The following RASL11A variants were observed in gnomAD, a reference collection of about 807,000 sequenced individuals.
The protein encoded by RASL11A is ras-like protein family member 11A.
RASL11A carries 14 observed loss-of-function variants against 17.1 expected under a neutral mutation model. The observed-to-expected ratio is 0.82, with a 90% CI of 0.54 to 1.28. RASL11A has a LOEUF of 1.28. Ranked by LOEUF, RASL11A falls within the 50% of genes most tolerant of loss-of-function variation. RASL11A has a pLI of 0.00. For missense variants in RASL11A, 283 were observed against 312.3 expected (o/e 0.91, Z 0.71); for synonymous variants, 146 against 132.5 (o/e 1.10, Z -0.70).
chr13:27,273,572 C>A lies in RASL11A; in HGVS notation c.*78C>A. On this transcript the variant is annotated 3_prime_UTR_variant, in exon 4 of 4. Transcript: ENST00000241463. ...GACTGGGCTTCTCGCTTTTTAATCA[C>A]ACATTCAGAGTTTATTTTTATAAAA... 1 of 1,071,982 alleles carries A rather than the reference C, an allele frequency of 9.3e-7. No homozygotes were observed. The highest frequency in any genetic ancestry group is 1.3e-6 in the Non-Finnish European group (1 of 745,850). The allele number at this position is 1,071,982 out of a possible 1,614,324, so 66.4% of individuals were successfully genotyped here.
At chr13:27,272,081 A>C (rs1361673422) in intron 3 of RASL11A, among the ~76,000 whole-genome samples, 1 of 152,140 alleles carries the variant, frequency 6.6e-6, no homozygotes. Context: ...ACAAAAAAAG[A>C]GGTAGGATTC....
In RASL11A at chr13:27,273,752, G is replaced by T. The variant is rs1052175117; in HGVS notation, c.*258G>T. On this transcript the variant is annotated 3_prime_UTR_variant, in exon 4 of 4. Coordinates refer to ENST00000241463, the MANE Select transcript of RASL11A (RefSeq NM_206827.2). ...ACTGCTGGCCACTTTTCCATTAAAG[G>T]CAAAATGGCAACATTGCTCATTGTT... 1.2e-5 allele frequency: 4 copies of T among 327,156 alleles called. No homozygotes were observed. Among genetic ancestry groups the T allele is most frequent in the South Asian group, 1.1e-4 (2 of 19,016 alleles). 20.3% of individuals were successfully genotyped at this position (327,156 alleles called of 1,614,324 possible).
chr13:27,272,912 C>T, intron 3 of RASL11A, 115 bp from the exon 4 acceptor site: 1 of 817,110 alleles, frequency 1.2e-6, no homozygotes, highest in Middle Eastern at 3.7e-4. Flanking sequence ...AAACTGAAAA[C>T]TGTATTTAGA....
chr13:27,271,129 G>A (rs953608633), intron 1 of RASL11A, 61 bp downstream of exon 1: 2 of 1,518,044 alleles, frequency 1.3e-6, no homozygotes, highest in Non-Finnish European at 1.8e-6. Context: ...GACCACTGGG[G>A]GCGCTGCGGA....
Position 27,271,464 on chromosome 13 carries a change from T to C in RASL11A, c.125-20T>C. The C allele has an allele frequency of 6.2e-7, 1 of 1,614,086 alleles. No individual in the cohort carries two copies. The highest frequency in any genetic ancestry group is 8.5e-7 in the Non-Finnish European group (1 of 1,179,940). ...AGGCTTGTTCTACTCCTTCGGTTGA[T>C]TTTCCTATTTCCTTTTCAGCAATGA... On this transcript the variant is annotated intron_variant, in intron 1 of 3. Coordinates refer to ENST00000241463, the MANE Select transcript of RASL11A (RefSeq NM_206827.2).
In RASL11A at chr13:27,271,054, G is replaced by T. The variant is rs753500307; in HGVS notation, c.110G>T (p.Arg37Leu). The change falls in exon 1 of 4, where the codon CGC (arginine) becomes CTC (leucine). Residue 37 changes from arginine to leucine, a missense_variant. By Grantham distance (102) the Arg-to-Leu change is moderately radical (BLOSUM62 -2). Transcript: ENST00000241463. ...DIKLAVLGAG[R>L]VGKSAMIVRF... Reference sequence around the variant, plus strand: ...AAACTGGCGGTGCTGGGCGCCGGCCGCGTGGGCAAGAGCGGTGAGTGCGGC... The same window carrying T: ...AAACTGGCGGTGCTGGGCGCCGGCCTCGTGGGCAAGAGCGGTGAGTGCGGC... The T allele has an allele frequency of 1.3e-6, 2 of 1,575,774 alleles. No individual in the cohort carries two copies. The highest frequency in any genetic ancestry group is 1.7e-6 in the Non-Finnish European group (2 of 1,160,724).
chr13:27,273,593 T>TA lies in RASL11A; in HGVS notation c.*106dup, dbSNP rs1334665643. On this transcript the variant is annotated 3_prime_UTR_variant, in exon 4 of 4. Transcript: ENST00000241463. The stretch of plus-strand genomic sequence containing the variant: ...ATCACACATTCAGAGTTTATTTTTA[T>TA]AAAAAAATTGATTTTCAAGTACATG... The TA allele has an allele frequency of 3.6e-5, 32 of 900,314 alleles. No individual in the cohort carries two copies. Among genetic ancestry groups the TA allele is most frequent in the Non-Finnish European group, 4.2e-5 (26 of 619,926 alleles). 55.8% of individuals were successfully genotyped at this position (900,314 alleles called of 1,614,324 possible).
chr13:27,272,564 A>G (rs547332331), intron 3 of RASL11A, among the ~76,000 whole-genome samples: 53 of 152,368 alleles, frequency 3.5e-4, no homozygotes, highest in Non-Finnish European at 6.6e-4. Context: ...TCCGTTCTCC[A>G]GAGGAAAGGT....
Position 27,274,047 on chromosome 13 carries a change from G to C in RASL11A, c.*553G>C, listed in dbSNP as rs1278852127. On this transcript the variant is annotated 3_prime_UTR_variant, in exon 4 of 4. Coordinates refer to ENST00000241463, the MANE Select transcript of RASL11A (RefSeq NM_206827.2). The stretch of plus-strand genomic sequence containing the variant: ...ACAATGCTAAAACGTTACAAGCCAT[G>C]AGTAACATTTATTGGTGCAAATGCA... Among the ~76,000 whole-genome samples, 3 of 152,138 alleles carry C rather than the reference G, an allele frequency of 2.0e-5. No homozygotes were observed. Among genetic ancestry groups the C allele is most frequent in the African/African-American group, 7.2e-5 (3 of 41,426 alleles).
chr13:27,271,335 C>A, intron 1 of RASL11A, 149 bp from the exon 2 acceptor site: 1 of 1,489,878 alleles, frequency 6.7e-7, no homozygotes. Flanking sequence ...TACTCGCGGC[C>A]AAGCCCGCGG....
rs796583045 is a variant in RASL11A, at chr13:27,271,382, G to A, written c.125-102G>A. The A allele has an allele frequency of 7.7e-6, 12 of 1,558,450 alleles. No individual in the cohort carries two copies. The African/African-American group carries it at 1.2e-4, about 16-fold the overall frequency. ...TGCGGAGCCTCTGGAAGCGAGCAGT[G>A]CCCACGGTTCTGCACCCTTCACTCC... On this transcript the variant is annotated intron_variant, in intron 1 of 3. Coordinates refer to ENST00000241463, the MANE Select transcript of RASL11A (RefSeq NM_206827.2).
intron 3 of RASL11A, 117 bp downstream of exon 3, chr13:27,271,835 T>C: frequency 1.3e-6 from 1 of 778,088 alleles, no homozygotes; most frequent in Non-Finnish European, 2.1e-6. Flanking sequence ...TAAACCGACC[T>C]GTGCGTTTAG....
chr13:27,271,816 C>T, intron 3 of RASL11A, 98 bp downstream of exon 3: 1 of 987,228 alleles, frequency 1.0e-6, no homozygotes, highest in Non-Finnish European at 1.5e-6. Context: ...GGGGTCTGAG[C>T]AAGGCATCTA....
At chr13:27,271,410 C>A (rs188671537) in intron 1 of RASL11A, 74 bp from the exon 2 acceptor site, 8 of 1,586,772 alleles carry the variant, frequency 5.0e-6, no homozygotes, top group South Asian at 2.2e-5. Flanking sequence ...TTCACTCCCC[C>A]CAGTTTGTCC....
chr13:27,271,170 CG>C (rs1425472701), intron 1 of RASL11A, 102 bp downstream of exon 1: 1 of 1,479,462 alleles, frequency 6.8e-7, no homozygotes, highest in East Asian at 2.5e-5. Flanking sequence ...GCAGAGGGCG[CG>C]GGTGCAGGTA....
chr13:27,271,340 C>A (rs1882278157), intron 1 of RASL11A, 144 bp from the exon 2 acceptor site: 1 of 1,497,318 alleles, frequency 6.7e-7, no homozygotes, highest in Admixed American at 2.1e-5. Context: ...GCGGCCAAGC[C>A]CGCGGCACCA....
chr13:27,272,959 G>A (rs766759931), intron 3 of RASL11A, 68 bp from the exon 4 acceptor site: 4 of 1,275,516 alleles, frequency 3.1e-6, no homozygotes, highest in Non-Finnish European at 4.5e-6. Flanking sequence ...GGGTTGCCTT[G>A]ATGTTGTTTT....
chr13:27,271,726 C>A lies in RASL11A; in HGVS notation c.261+8C>A, dbSNP rs769671671. The stretch of plus-strand genomic sequence containing the variant: ...ACTCCCGGGGGCGTCCAGGTAAGAA[C>A]CGCCAGGGGCAAACAGCTCACCCCC... On this transcript the variant is annotated splice_region_variant and intron_variant, in intron 3 of 3. Coordinates refer to ENST00000241463, the MANE Select transcript of RASL11A (RefSeq NM_206827.2). 2 of 1,601,782 alleles carry A rather than the reference C, an allele frequency of 1.2e-6. No homozygotes were observed. Among genetic ancestry groups the A allele is most frequent in the Non-Finnish European group, 1.7e-6 (2 of 1,174,484 alleles).
chr13:27,271,688 G>A lies in RASL11A; in HGVS notation c.231G>A (p.Leu77=), dbSNP rs780443494. The change falls in exon 3 of 4, where the codon CTG becomes CTA. Residue 77 remains leucine (L), a synonymous_variant. Transcript: ENST00000241463. ...LVYVEGDQLS[L]QIQDTPGGVQ... is the part of the protein sequence containing the mutation. Reference sequence around the variant, plus strand: ...ATGTCGAGGGGGACCAGCTCTCCCTGCAGATCCAGGATACTCCCGGGGGCG... The same window carrying A: ...ATGTCGAGGGGGACCAGCTCTCCCTACAGATCCAGGATACTCCCGGGGGCG... 1 of 1,612,668 alleles carries A rather than the reference G, an allele frequency of 6.2e-7. No individual in the cohort carries two copies. Among genetic ancestry groups the A allele is most frequent in the Non-Finnish European group, 8.5e-7 (1 of 1,179,778 alleles).
Sources: gnomAD v4.1 joint callset for allele counts (sites outside exome capture counted in the v4.1 genomes callset) on GRCh38, gnomAD v4.1.1 for gene constraint, MANE v1.5 for transcripts, NCBI Gene and HGNC (gene_info 2026-07-23, HGNC 2026-07-21) for gene names.